SYN3: variants seen among roughly 807,000 people sequenced by gnomAD.
SYN3 encodes the protein synapsin-3.
A neutral mutation model predicts 65.8 loss-of-function variants in SYN3; 35 were observed. The observed-to-expected ratio is 0.53, with a 90% CI of 0.41 to 0.70. The LOEUF is 0.70. SYN3 is among the 30% of genes least tolerant of loss of function. The pLI is 0.00. For synonymous variants in SYN3, 270 were observed against 292.9 expected, an observed-to-expected ratio of 0.92 and a Z score of 0.80; for missense variants, 680 against 749.0, an observed-to-expected ratio of 0.91 and a Z score of 1.08.
At chr22:33,023,503 A>G (rs1000582804) in intron 1 of SYN3, among the ~76,000 whole-genome samples, 9 of 152,162 alleles carry the variant, frequency 5.9e-5, no homozygotes, top group African/African-American at 1.4e-4. Flanking sequence ...CACAGTTTCA[A>G]GTATATCTTT....
Position 32,528,100 on chromosome 22 carries a change from A to G in SYN3, c.1231-95T>C, listed in dbSNP as rs979127817. 1.2e-5 allele frequency: 11 copies of G among 952,294 alleles called. No homozygotes were observed. The African/African-American group carries it at 1.7e-4, about 14-fold the overall frequency. 59.0% of individuals were successfully genotyped at this position (952,294 alleles called of 1,614,324 possible). Reference sequence around the variant, plus strand: ...ATTTATGAAGATCTTTTTATCATTGAGAAGAGACTCTTACACATAAAGTGT... The same window carrying G: ...ATTTATGAAGATCTTTTTATCATTGGGAAGAGACTCTTACACATAAAGTGT... On this transcript the variant is annotated intron_variant, in intron 11 of 13. Coordinates refer to ENST00000358763, the MANE Select transcript of SYN3 (RefSeq NM_003490.4).
intron 6 of SYN3, among the ~76,000 whole-genome samples, chr22:32,740,984 G>C (rs1046818017): frequency 1.3e-5 from 2 of 152,164 alleles, no homozygotes; most frequent in Non-Finnish European, 2.9e-5. Flanking sequence ...ACAAAAGAAG[G>C]TTTGAGGCAC....
At chr22:33,042,811 C>A (rs758499816) in intron 1 of SYN3, among the ~76,000 whole-genome samples, 27 of 152,170 alleles carry the variant, frequency 1.8e-4, no homozygotes, top group Non-Finnish European at 1.0e-4. Context: ...CAGGTTAGAA[C>A]TGAGCAGCTC....
At chr22:32,704,677 C>A (rs930199827) in intron 6 of SYN3, among the ~76,000 whole-genome samples, 2 of 152,150 alleles carry the variant, frequency 1.3e-5, no homozygotes, top group African/African-American at 4.8e-5. Context: ...AATTTATACA[C>A]CCACCAACAG....
Position 32,509,188 on chromosome 22 carries a change from T to A in SYN3, c.*4504A>T, listed in dbSNP as rs1028862516. Among the ~76,000 whole-genome samples, 3 of 152,136 alleles carry A rather than the reference T, an allele frequency of 2.0e-5. No individual in the cohort carries two copies. The highest frequency in any genetic ancestry group is 4.8e-5 in the African/African-American group (2 of 41,436). On this transcript the variant is annotated 3_prime_UTR_variant, in exon 14 of 14. Transcript: ENST00000358763. ...ACGGGAGGAAGATCTGGAAGAACTT[T>A]TCTGTGGCTGGTAGAGCTGTCCGCT...
intron 6 of SYN3, among the ~76,000 whole-genome samples, chr22:32,673,658 T>A (rs1246406967): frequency 2.0e-5 from 3 of 152,024 alleles, no homozygotes; most frequent in Non-Finnish European, 4.4e-5. Context: ...AAGCTGAGAG[T>A]TCAAAGATGA....
chr22:33,037,048 T>A (rs2053876185), intron 1 of SYN3, among the ~76,000 whole-genome samples: 1 of 152,214 alleles, frequency 6.6e-6, no homozygotes, highest in Admixed American at 6.5e-5. Flanking sequence ...TCCAAGTGTA[T>A]GCACAGCTGC....
chr22:32,737,997 T>C (rs372639947), intron 6 of SYN3, among the ~76,000 whole-genome samples: 1 of 152,200 alleles, frequency 6.6e-6, no homozygotes, highest in Non-Finnish European at 1.5e-5. Flanking sequence ...CTTCTTGTGG[T>C]AAGCCACTGA....
intron 7 of SYN3, among the ~76,000 whole-genome samples, chr22:32,596,187 T>A (rs1016670349): frequency 6.6e-6 from 1 of 152,164 alleles, no homozygotes; most frequent in Non-Finnish European, 1.5e-5. Context: ...GAAAGTTTCC[T>A]GAGGCCTCCC....
At chr22:32,974,644 T>TTG (rs150999284) in intron 3 of SYN3, among the ~76,000 whole-genome samples, 87 of 150,578 alleles carry the variant, frequency 5.8e-4, no homozygotes, top group East Asian at 2.3e-3. Flanking sequence ...CTCACTAGCA[T>TTG]TGTGTGTGTG....
chr22:32,683,333 C>A (rs1275791746), intron 6 of SYN3, among the ~76,000 whole-genome samples: 1 of 152,090 alleles, frequency 6.6e-6, no homozygotes, highest in Non-Finnish European at 1.5e-5. Context: ...GCTGACCAAA[C>A]CCCTCCTCCT....
intron 7 of SYN3, chr22:32,584,099 C>A (rs2058988453): frequency 6.6e-6 from 1 of 152,246 alleles, no homozygotes; most frequent in Non-Finnish European, 1.5e-5. Context: ...CCACTTCAAA[C>A]CCCTTGAAAT....
At chr22:33,028,786 A>G (rs1329034419) in intron 1 of SYN3, among the ~76,000 whole-genome samples, 3 of 151,912 alleles carry the variant, frequency 2.0e-5, no homozygotes, top group Non-Finnish European at 4.4e-5. Flanking sequence ...CACGCCTGTA[A>G]TCCCAGCACT....
intron 13 of SYN3, among the ~76,000 whole-genome samples, chr22:32,515,216 T>A (rs1381985715): frequency 6.6e-6 from 1 of 152,198 alleles, no homozygotes; most frequent in Non-Finnish European, 1.5e-5. Context: ...CACTGTAAGG[T>A]CAGTGACCAA....
chr22:32,658,998 A>G (rs2060180377), intron 6 of SYN3, among the ~76,000 whole-genome samples: 2 of 152,218 alleles, frequency 1.3e-5, no homozygotes, highest in Non-Finnish European at 2.9e-5. Flanking sequence ...GGTAGATGCT[A>G]GCATGAACTC....
chr22:32,679,351 T>A (rs1294801400), intron 6 of SYN3, among the ~76,000 whole-genome samples: 1 of 151,972 alleles, frequency 6.6e-6, no homozygotes, highest in African/African-American at 2.4e-5. Flanking sequence ...CGCCTGGCAA[T>A]ACCACATTTT....
At chr22:32,618,001 C>T (rs1161818326) in intron 6 of SYN3, among the ~76,000 whole-genome samples, 2 of 152,060 alleles carry the variant, frequency 1.3e-5, no homozygotes, top group Non-Finnish European at 2.9e-5. Context: ...ATAAGGATCA[C>T]TTAGTGACTC....
At chr22:32,803,716 G>A (rs990304925) in intron 6 of SYN3, among the ~76,000 whole-genome samples, 2 of 152,202 alleles carry the variant, frequency 1.3e-5, no homozygotes, top group African/African-American at 4.8e-5. Flanking sequence ...TGCTGCAGCT[G>A]AGTTCTGGTT....
At chr22:32,535,682 C>T (rs1191708399) in intron 9 of SYN3, among the ~76,000 whole-genome samples, 1 of 152,164 alleles carries the variant, frequency 6.6e-6, no homozygotes, top group Non-Finnish European at 1.5e-5. Flanking sequence ...AAAGGATGAA[C>T]CTTGGGGTCC....
Sources: allele counts gnomAD v4.1 joint callset (sites outside exome capture counted in the v4.1 genomes callset), GRCh38; gene constraint gnomAD v4.1.1; transcripts MANE v1.5; gene names NCBI Gene and HGNC (gene_info 2026-07-23, HGNC 2026-07-21).